Variants in SGSM1 observed in about 807,000 individuals in gnomAD.
SGSM1 encodes the protein RUN and TBC1 domain containing 2.
Under a neutral mutation model 133.8 loss-of-function variants are expected in SGSM1, and 73 were observed. The ratio of observed to expected loss-of-function variants is 0.55; its 90% confidence interval spans 0.45 to 0.66. The LOEUF (loss-of-function observed/expected upper bound fraction) is 0.66. Among genes scored for constraint, SGSM1 ranks in the 30% least tolerant of loss-of-function variants. The pLI is 0.00. For synonymous variants in SGSM1, 563 were observed against 573.0 expected, an observed-to-expected ratio of 0.98 and a Z score of 0.25; for missense variants, 1,213 against 1,448.1, an observed-to-expected ratio of 0.84 and a Z score of 2.64.
rs543827291 is a variant in SGSM1, at chr22:24,874,531, A to G, written c.1292-2046A>G. The G allele has an allele frequency of 2.5e-5, 41 of 1,612,092 alleles. No individual in the cohort carries two copies. In the African/African-American group the frequency reaches 4.8e-4, roughly 19 times the overall value. On this transcript the variant is annotated intron_variant, in intron 12 of 24. Transcript: ENST00000400358. The stretch of plus-strand genomic sequence containing the variant: ...CAGAGGGAGTCAGTGGGAGCCAGCC[A>G]GATGGGACACTACTCTCCCCACGCC...
chr22:24,837,590 C>G (rs78601729), intron 2 of SGSM1, among the ~76,000 whole-genome samples: 14,115 of 136,988 alleles, frequency 0.1, 1,214 homozygotes, highest in East Asian at 0.2. Flanking sequence ...CCCCCCCCCC[C>G]CTTTCCCAGT....
Position 24,855,358 on chromosome 22 carries a change from A to G in SGSM1, c.597A>G (p.Glu199=), listed in dbSNP as rs756667136. 6.2e-6 allele frequency: 10 copies of G among 1,613,590 alleles called. No homozygotes were observed. Among genetic ancestry groups the G allele is most frequent in the East Asian group, 4.5e-5 (2 of 44,846 alleles). ...DHFWTDPSAD[E]LVQRHRIHSS... ...TCTGGACCGATCCCTCGGCTGACGA[A>G]CTTGTCCAGAGGCACCGCATCCACA... The change falls in exon 7 of 25, where the codon GAA becomes GAG. Residue 199 remains glutamate (E), a synonymous_variant. Coordinates refer to ENST00000400358, the MANE Select transcript of SGSM1 (RefSeq NM_001098497.3).
rs767139175 is a variant in SGSM1 at position 24,850,274 on chromosome 22, T to C, written c.303-6T>C. ...TATCTATTCCCGTCTTTTATTGGTC[T>C]TGAAGGAGAAACCAGATTCAAGGCC... On this transcript the variant is annotated splice_polypyrimidine_tract_variant and splice_region_variant and intron_variant, in intron 4 of 24. Coordinates refer to ENST00000400358, the MANE Select transcript of SGSM1 (RefSeq NM_001098497.3). 31 of 1,580,252 alleles carry C rather than the reference T, an allele frequency of 2.0e-5. No individual in the cohort carries two copies. Among genetic ancestry groups the C allele is most frequent in the Non-Finnish European group, 2.7e-5 (31 of 1,162,904 alleles).
chr22:24,828,414 C>T (rs1928914217), intron 2 of SGSM1, among the ~76,000 whole-genome samples: 1 of 151,960 alleles, frequency 6.6e-6, no homozygotes, highest in Non-Finnish European at 1.5e-5. Flanking sequence ...AGGAACTTTG[C>T]AAGAGAAAAG....
Position 24,886,668 on chromosome 22 carries a change from C to G in SGSM1, c.1710C>G (p.Ala570=). The G allele has an allele frequency of 6.4e-7, 1 of 1,568,450 alleles. No individual in the cohort carries two copies. The highest frequency in any genetic ancestry group is 8.6e-7 in the Non-Finnish European group (1 of 1,157,074). ...YGGIQPEIRK[A]VWPFLLGHYQ... is the part of the protein sequence containing the mutation. The stretch of plus-strand genomic sequence containing the variant: ...GCATCCAGCCTGAGATCCGCAAGGC[C>G]GTGTGGCCCTTCCTCCTGGGCCACT... The change falls in exon 16 of 25, where the codon GCC becomes GCG. Residue 570 remains alanine, a synonymous_variant. Transcript: ENST00000400358.
At chr22:24,817,834 G>A (rs543447894) in intron 2 of SGSM1, among the ~76,000 whole-genome samples, 26 of 152,190 alleles carry the variant, frequency 1.7e-4, no homozygotes, top group Non-Finnish European at 2.9e-4. Flanking sequence ...CAGCATGGTT[G>A]GTATCTGGTG....
At chr22:24,867,050 G>C in intron 9 of SGSM1, 43 bp from the exon 10 acceptor site, 1 of 1,600,016 alleles carries the variant, frequency 6.2e-7, no homozygotes, top group Non-Finnish European at 8.5e-7. Context: ...GCACAGTGGG[G>C]TAGGCAGAAG....
Position 24,859,852 on chromosome 22 carries a change from G to A in SGSM1, c.926+12G>A. On this transcript the variant is annotated intron_variant, in intron 9 of 24. Coordinates refer to ENST00000400358, the MANE Select transcript of SGSM1 (RefSeq NM_001098497.3). The stretch of plus-strand genomic sequence containing the variant: ...GACTATGAGAAGAGGTAGGGCACTG[G>A]GTCTGATACGTATCCCTTGGGTCCC... 1.2e-6 allele frequency: 2 copies of A among 1,613,370 alleles called. No individual in the cohort carries two copies. Among genetic ancestry groups the A allele is most frequent in the African/African-American group, 1.3e-5 (1 of 75,042 alleles).
intron 2 of SGSM1, among the ~76,000 whole-genome samples, chr22:24,825,657 T>TGACCTCAGGTGATCCACC (rs1196610769): frequency 6.6e-6 from 1 of 152,146 alleles, no homozygotes; most frequent in East Asian, 1.9e-4. Context: ...CTCGAACTCC[T>TGACCTCAGGTGATCCACC]GACCTCAGGT....
intron 19 of SGSM1, among the ~76,000 whole-genome samples, chr22:24,900,145 C>G (rs1342899828): frequency 6.6e-6 from 1 of 151,698 alleles, no homozygotes. Context: ...CTCAGCCCCA[C>G]AAGTAGCTGG....
intron 2 of SGSM1, among the ~76,000 whole-genome samples, chr22:24,810,278 T>A (rs1454097057): frequency 6.6e-6 from 1 of 152,064 alleles, no homozygotes; most frequent in African/African-American, 2.4e-5. Flanking sequence ...ATGATTCAGC[T>A]GGCAAGATAA....
chr22:24,898,799 G>A (rs1463418937), intron 19 of SGSM1, among the ~76,000 whole-genome samples: 1 of 151,946 alleles, frequency 6.6e-6, no homozygotes, highest in African/African-American at 2.4e-5. Context: ...AGGCTGAGGG[G>A]GGTGGATCAC....
At chr22:24,859,566 G>A (rs1931003274) in intron 8 of SGSM1, 150 bp from the exon 9 acceptor site, 2 of 1,077,500 alleles carry the variant, frequency 1.9e-6, no homozygotes, top group Non-Finnish European at 1.4e-6. Flanking sequence ...TCTGGAAGGA[G>A]GCTTTAGAGT....
At chr22:24,807,007 G>T (rs898674667) in intron 2 of SGSM1, among the ~76,000 whole-genome samples, 1 of 152,108 alleles carries the variant, frequency 6.6e-6, no homozygotes, top group Non-Finnish European at 1.5e-5. Context: ...CCCTCCCTGA[G>T]AGTCACGGGT....
intron 13 of SGSM1, among the ~76,000 whole-genome samples, chr22:24,877,248 C>G (rs1480890743): frequency 1.3e-5 from 2 of 152,186 alleles, no homozygotes; most frequent in Non-Finnish European, 2.9e-5. Flanking sequence ...TTAACAACAA[C>G]CACATCTCAG....
intron 2 of SGSM1, among the ~76,000 whole-genome samples, chr22:24,817,499 C>A (rs576216795): frequency 1.8e-4 from 27 of 152,110 alleles, no homozygotes; most frequent in African/African-American, 6.3e-4. Flanking sequence ...ATTACAGGTG[C>A]CTGCAACCAC....
At chr22:24,883,823 G>T (rs998261039) in intron 14 of SGSM1, among the ~76,000 whole-genome samples, 1 of 152,182 alleles carries the variant, frequency 6.6e-6, no homozygotes, top group African/African-American at 2.4e-5. Flanking sequence ...AGACGTGCTG[G>T]CGCGTGCCTC....
intron 8 of SGSM1, among the ~76,000 whole-genome samples, chr22:24,857,586 G>A (rs769763679): frequency 6.6e-6 from 1 of 152,042 alleles, no homozygotes; most frequent in Non-Finnish European, 1.5e-5. Flanking sequence ...AACACACAGG[G>A]AAAATATCAT....
chr22:24,863,447 G>A (rs767054110), intron 9 of SGSM1, among the ~76,000 whole-genome samples: 6 of 152,162 alleles, frequency 3.9e-5, no homozygotes, highest in Admixed American at 1.3e-4. Flanking sequence ...GTGAGCCACC[G>A]CGCCCGGCCA....
Sources: gnomAD v4.1 joint callset for allele counts (sites outside exome capture counted in the v4.1 genomes callset) on GRCh38, gnomAD v4.1.1 for gene constraint, MANE v1.5 for transcripts, NCBI Gene and HGNC (gene_info 2026-07-23, HGNC 2026-07-21) for gene names.